Variants in IL31RA observed in about 807,000 individuals in gnomAD.
IL31RA encodes interleukin 31 receptor A.
In IL31RA, 66 loss-of-function variants were observed where a neutral mutation model predicts 83.7. The observed-to-expected ratio is 0.79, with a 90% CI of 0.65 to 0.97. The LOEUF is 0.97. IL31RA is among the 50% of genes least tolerant of loss of function. The pLI is 0.00. For missense variants in IL31RA, 798 were observed against 919.4 expected (o/e 0.87, Z 1.71); for synonymous variants, 325 against 329.0 (o/e 0.99, Z 0.13).
At chr5:55,842,881 T>G in the IL31RA span, among the ~76,000 whole-genome samples, 1 of 152,214 alleles carries the variant, frequency 6.6e-6, no homozygotes, top group Non-Finnish European at 1.5e-5. Context: ...GTGTTAATTG[T>G]CCATTCCAGC....
intron 2 of IL31RA, among the ~76,000 whole-genome samples, chr5:55,865,133 G>A (rs769456688): frequency 6.6e-5 from 10 of 152,344 alleles, no homozygotes; most frequent in Admixed American, 2.0e-4. Flanking sequence ...TCCAAGCTGC[G>A]TGGGCTCTTT....
At chr5:55,897,501 A>G (rs254987) in intron 7 of IL31RA, among the ~76,000 whole-genome samples, 64,913 of 151,938 alleles carry the variant, frequency 0.43, 14,245 homozygotes, top group Non-Finnish European at 0.49. Context: ...GTCTCAGAAG[A>G]GCTCTGATCA....
chr5:55,859,412 C>T, intron 1 of IL31RA, 97 bp from the exon 2 acceptor site: 1 of 865,016 alleles, frequency 1.2e-6, no homozygotes, highest in South Asian at 1.3e-5. Flanking sequence ...TAGGATCCTT[C>T]CTCCTTCCAA....
intron 3 of IL31RA, among the ~76,000 whole-genome samples, chr5:55,870,548 C>G (rs1476247802): frequency 1.3e-5 from 2 of 152,090 alleles, no homozygotes; most frequent in Non-Finnish European, 2.9e-5. Flanking sequence ...AGAGACATTT[C>G]CCCTCTTCCT....
upstream of IL31RA, among the ~76,000 whole-genome samples, chr5:55,849,019 T>C (rs1744995169): frequency 6.6e-6 from 1 of 152,218 alleles, no homozygotes; most frequent in African/African-American, 2.4e-5. Flanking sequence ...TTTCCCTTCA[T>C]GGGGAGAGCA....
upstream of IL31RA, among the ~76,000 whole-genome samples, chr5:55,848,242 G>A (rs746622327): frequency 2.0e-5 from 3 of 152,144 alleles, no homozygotes; most frequent in Non-Finnish European, 4.4e-5. Flanking sequence ...AGTATCTACA[G>A]ATCACTTAGA....
At chr5:55,845,405 G>A in the IL31RA span, among the ~76,000 whole-genome samples, 4 of 100,616 alleles carry the variant, frequency 4.0e-5, no homozygotes, top group East Asian at 9.8e-4. Flanking sequence ...CTGTAGTGGG[G>A]TATTTTCTTT....
intron 2 of IL31RA, among the ~76,000 whole-genome samples, chr5:55,867,123 T>TG (rs1561542884): frequency 5.6e-5 from 5 of 88,850 alleles, no homozygotes; most frequent in African/African-American, 2.0e-4. Flanking sequence ...ATGTGTGTGT[T>TG]TGTGTGTGTG....
chr5:55,840,933 G>A, the IL31RA span, among the ~76,000 whole-genome samples: 252 of 152,180 alleles, frequency 1.7e-3, 1 homozygote, highest in African/African-American at 5.5e-3. Context: ...TGTATCTCAG[G>A]GCCTGCCACC....
At chr5:55,865,618 T>C (rs2112337719) in intron 2 of IL31RA, among the ~76,000 whole-genome samples, 1 of 152,296 alleles carries the variant, frequency 6.6e-6, no homozygotes, top group South Asian at 2.1e-4. Flanking sequence ...GTAATACCTC[T>C]GACAGAGTTG....
At chr5:55,907,832 T>C (rs1749250548) in intron 10 of IL31RA, among the ~76,000 whole-genome samples, 1 of 152,244 alleles carries the variant, frequency 6.6e-6, no homozygotes, top group South Asian at 2.1e-4. Flanking sequence ...TTTAATTATG[T>C]AGCAATAAGC....
intron 1 of IL31RA, 111 bp from the exon 2 acceptor site, chr5:55,859,398 A>C (rs1745536470): frequency 1.3e-6 from 1 of 785,432 alleles, no homozygotes; most frequent in South Asian, 1.4e-5. Flanking sequence ...CAAATAAAAT[A>C]AAATAGGATC....
At chr5:55,871,454 A>G (rs566159306) in intron 3 of IL31RA, among the ~76,000 whole-genome samples, 1 of 152,298 alleles carries the variant, frequency 6.6e-6, no homozygotes, top group African/African-American at 2.4e-5. Context: ...AACCATGTGG[A>G]CTATAGCTAG....
chr5:55,890,128 G>A lies in IL31RA; in HGVS notation c.765G>A (p.Glu255=). Residue 255 remains glutamate (E), a synonymous_variant, in exon 6 of 15, where the codon GAG becomes GAA. Transcript: ENST00000652347. ...GCCAAGAAAAAATGGGAATGACTGA[G>A]GAAGAAGGCAAGCTACTCCCTGCGA... ...DWSQEKMGMT[E]EEAPCGLELW... 6.2e-7 allele frequency: 1 copy of A among 1,613,782 alleles called. No individual in the cohort carries two copies. Among genetic ancestry groups the A allele is most frequent in the Non-Finnish European group, 8.5e-7 (1 of 1,179,790 alleles).
intron 5 of IL31RA, among the ~76,000 whole-genome samples, chr5:55,888,531 A>G (rs1747782020): frequency 6.6e-6 from 1 of 152,190 alleles, no homozygotes; most frequent in Admixed American, 6.5e-5. Context: ...GAAGAATATT[A>G]TATATTTTTT....
At position 55,870,820 on chromosome 5, in the gene IL31RA, T is replaced by TG. The variant is rs1370262258; in HGVS notation, c.273-1449dup. 2.6e-5 allele frequency among the ~76,000 whole-genome samples: 4 copies of TG among 152,218 alleles called. No individual in the cohort carries two copies. In the South Asian group the frequency reaches 6.2e-4, roughly 24 times the overall value. ...ATGGAATAAGCCAAAAACCTTCTGA[T>TG]GTCCAGAAACAATAGGAAAGAATTT... On this transcript the variant is annotated intron_variant, in intron 3 of 14. Coordinates refer to ENST00000652347, the MANE Select transcript of IL31RA (RefSeq NM_139017.7).
chr5:55,866,108 C>T (rs554920654), intron 2 of IL31RA, among the ~76,000 whole-genome samples: 1 of 152,128 alleles, frequency 6.6e-6, no homozygotes, highest in African/African-American at 2.4e-5. Context: ...CAGGCCTGGT[C>T]CCGTCTCACA....
At chr5:55,867,320 T>TGC (rs746445990) in intron 2 of IL31RA, among the ~76,000 whole-genome samples, 2,108 of 145,932 alleles carry the variant, frequency 0.014, 27 homozygotes, top group South Asian at 0.02. Context: ...TGTGTGTGCG[T>TGC]GTGTGTGTGT....
chr5:55,890,471 G>A (rs921443455), intron 6 of IL31RA, among the ~76,000 whole-genome samples: 15 of 152,164 alleles, frequency 9.9e-5, no homozygotes, highest in African/African-American at 3.6e-4. Flanking sequence ...CCGAGTTCAA[G>A]CAATTCTTGT....
Sources: gnomAD v4.1 joint callset for allele counts (sites outside exome capture counted in the v4.1 genomes callset) on GRCh38, gnomAD v4.1.1 for gene constraint, MANE v1.5 for transcripts, NCBI Gene and HGNC (gene_info 2026-07-23, HGNC 2026-07-21) for gene names.